The following ZDHHC11 variants were observed in gnomAD, a reference collection of about 807,000 sequenced individuals.
The protein encoded by ZDHHC11 is zDHHC palmitoyltransferase 11, also known as palmitoyltransferase ZDHHC11.
In ZDHHC11, 44 loss-of-function variants were observed where a neutral mutation model predicts 51.3. The ratio of observed to expected loss-of-function variants is 0.86; its 90% CI spans 0.67 to 1.10. The LOEUF (loss-of-function observed/expected upper bound fraction) is 1.10. Ranked by LOEUF, ZDHHC11 falls within the 50% of genes least tolerant of loss-of-function variation. The pLI is 0.00. For missense variants in ZDHHC11, 400 were observed against 537.7 expected (o/e 0.74, Z 2.53); for synonymous variants, 163 against 222.0 (o/e 0.73, Z 2.36).
intron 5 of ZDHHC11, among the ~76,000 whole-genome samples, chr5:838,924 A>C: frequency 6.7e-6 from 1 of 148,376 alleles, no homozygotes; most frequent in Non-Finnish European, 1.5e-5. Context: ...TTGGAAAAAA[A>C]TGACAAGTGC....
chr5:848,631 G>C lies in ZDHHC11; in HGVS notation c.252C>G (p.Leu84=). 3 of 1,524,658 alleles carry C rather than the reference G, an allele frequency of 2.0e-6. No individual in the cohort carries two copies. The highest frequency in any genetic ancestry group is 4.5e-5 in the East Asian group (2 of 44,012). The allele number at this position is 1,524,658 out of a possible 1,614,324, so 94.4% of individuals were successfully genotyped here. A position where few individuals can be genotyped will look rare whatever the true frequency, so the allele number is the denominator to read the frequency against. ...VVTGGIFSFH[L]VVHLIASCID... is the part of the protein sequence containing the mutation. ...TGCAGGACGCGATCAGGTGGACGAC[G>C]AGGTGGAACGAGAAGATCCCCCCGG... The change falls in exon 2 of 13, where the codon CTC becomes CTG. Residue 84 remains leucine (L), a synonymous_variant. Transcript: ENST00000283441.
chr5:807,545 C>T (rs1349878407), intron 11 of ZDHHC11, among the ~76,000 whole-genome samples: 1 of 151,362 alleles, frequency 6.6e-6, no homozygotes, highest in Non-Finnish European at 1.5e-5. Context: ...CTGTTCCCAC[C>T]CAGGATTGGG....
At chr5:848,140 GC>G (rs1350733361) in intron 2 of ZDHHC11, among the ~76,000 whole-genome samples, 77 of 140,664 alleles carry the variant, frequency 5.5e-4, no homozygotes, top group African/African-American at 2.1e-3. Flanking sequence ...CTTGCCCTGG[GC>G]CCTCAGGGGA....
chr5:850,457 A>G lies in ZDHHC11; in HGVS notation c.146T>C (p.Phe49Ser), dbSNP rs371529620. Residue 49 changes from phenylalanine to serine, a missense_variant, in exon 1 of 13, where the codon TTC (phenylalanine) becomes TCC (serine). Transcript: ENST00000283441. ...HYFQVVTWAV[F>S]VGLSSATFGI... ...GAAGGTGGCCGAGGAAAGGCCCACG[A>G]AGACAGCCCAGGTCACCACCTGGAA... 680 of 1,613,648 alleles carry G rather than the reference A, an allele frequency of 4.2e-4. 8 individuals are homozygous for G. In the South Asian group the frequency reaches 7.1e-3, roughly 17 times the overall value.
At chr5:848,794 G>C (rs186320786) in intron 1 of ZDHHC11, 134 bp from the exon 2 acceptor site, 8 of 1,327,936 alleles carry the variant, frequency 6.0e-6, no homozygotes, top group Non-Finnish European at 8.2e-6. Context: ...CGTGAGCCCA[G>C]CTCACCCAGG....
intron 4 of ZDHHC11, chr5:841,801 G>C (rs1164170071): frequency 1.0e-6 from 1 of 996,020 alleles, no homozygotes; most frequent in Non-Finnish European, 1.2e-6. Context: ...CAGAATGGCA[G>C]AGGGTGGGGC....
intron 10 of ZDHHC11, among the ~76,000 whole-genome samples, chr5:817,865 T>C (rs1741020667): frequency 6.6e-6 from 1 of 150,744 alleles, no homozygotes; most frequent in South Asian, 2.1e-4. Context: ...CGAGTCAGGG[T>C]GTCTTCTATG....
At chr5:830,319 T>C (rs1425327535) in intron 7 of ZDHHC11, among the ~76,000 whole-genome samples, 1 of 22,570 alleles carries the variant, frequency 4.4e-5, no homozygotes, top group East Asian at 5.1e-4. Context: ...CACAAATCAG[T>C]AGCATTGCTA....
At chr5:854,117 G>A (rs1237560869), upstream of ZDHHC11, among the ~76,000 whole-genome samples, 1 of 145,280 alleles carries the variant, frequency 6.9e-6, no homozygotes, top group East Asian at 2.2e-4. Flanking sequence ...AGGACAGTGA[G>A]GAGCGGGGAC....
upstream of ZDHHC11, among the ~76,000 whole-genome samples, chr5:852,524 A>G (rs1361679673): frequency 1.3e-5 from 2 of 152,158 alleles, no homozygotes; most frequent in Non-Finnish European, 2.9e-5. Flanking sequence ...AGCAGCGGGG[A>G]CAGACTCCAC....
intron 11 of ZDHHC11, among the ~76,000 whole-genome samples, chr5:803,532 T>G (rs953993468): frequency 6.6e-6 from 1 of 151,314 alleles, no homozygotes; most frequent in Non-Finnish European, 1.5e-5. Flanking sequence ...AAGCACTTGA[T>G]TTTTAGAGTT....
At chr5:815,497 C>T (rs1325553306) in intron 10 of ZDHHC11, among the ~76,000 whole-genome samples, 1 of 151,638 alleles carries the variant, frequency 6.6e-6, no homozygotes, top group Non-Finnish European at 1.5e-5. Flanking sequence ...ATCTTTCATC[C>T]CCATGAGCAA....
upstream of ZDHHC11, among the ~76,000 whole-genome samples, chr5:855,176 A>G (rs1432763728): frequency 6.9e-6 from 1 of 144,094 alleles, no homozygotes; most frequent in Non-Finnish European, 1.5e-5. Context: ...TACAGAGAAC[A>G]GAGAGCCGGG....
intron 7 of ZDHHC11, among the ~76,000 whole-genome samples, chr5:832,917 C>T (rs1326880181): frequency 1.3e-5 from 2 of 151,422 alleles, no homozygotes; most frequent in African/African-American, 2.4e-5. Context: ...ACAACCTCTA[C>T]ACTGTGAAAG....
At chr5:834,232 T>C (rs538606199) in intron 6 of ZDHHC11, among the ~76,000 whole-genome samples, 2,548 of 150,630 alleles carry the variant, frequency 0.017, 8 homozygotes, top group African/African-American at 0.057. Context: ...AGCTGCCTGA[T>C]GTAGAATGAT....
At chr5:806,230 C>G (rs1276609889) in intron 11 of ZDHHC11, among the ~76,000 whole-genome samples, 1 of 150,914 alleles carries the variant, frequency 6.6e-6, no homozygotes, top group African/African-American at 2.4e-5. Context: ...GACTAGACAG[C>G]CCAGAAATAG....
chr5:835,086 G>C (rs1474628517), intron 6 of ZDHHC11, among the ~76,000 whole-genome samples: 5 of 151,544 alleles, frequency 3.3e-5, no homozygotes, highest in Non-Finnish European at 3.0e-5. Flanking sequence ...TCAAAGACAA[G>C]CTTTGTCTCA....
Position 831,171 on chromosome 5 carries a change from GAAGT to G in ZDHHC11, c.935+2598_935+2601del, listed in dbSNP as rs202155060. 5.7e-3 allele frequency among the ~76,000 whole-genome samples: 855 copies of G among 149,414 alleles called. 63 individuals are homozygous for G. Among genetic ancestry groups the G allele is most frequent in the Admixed American group, 0.01 (154 of 14,708 alleles). ...AATAAGTACCTTCTGCACAGGAAAA[GAAGT>G]AATAAGCAGACTAAATAGAACCCAC... On this transcript the variant is annotated intron_variant, in intron 7 of 12. Transcript: ENST00000283441.
Position 816,254 on chromosome 5 carries a change from C to T in ZDHHC11, c.1147-1459G>A, listed in dbSNP as rs542107884. On this transcript the variant is annotated intron_variant, in intron 10 of 12. Coordinates refer to ENST00000283441, the MANE Select transcript of ZDHHC11 (RefSeq NM_024786.3). ...AAAGTCACATTTATTCTTCTTTTTT[C>T]GGAAATAATGTTTTTGGGATCTATC... 1.3e-4 allele frequency: 30 copies of T among 235,826 alleles called. 1 individual carries two copies. Among genetic ancestry groups the T allele is most frequent in the Non-Finnish European group, 2.1e-4 (25 of 117,106 alleles). The allele number at this position is 235,826 out of a possible 1,614,324, so 14.6% of individuals were successfully genotyped here.
Sources: gnomAD v4.1 joint callset for allele counts (sites outside exome capture counted in the v4.1 genomes callset) on GRCh38, gnomAD v4.1.1 for gene constraint, MANE v1.5 for transcripts, NCBI Gene and HGNC (gene_info 2026-07-23, HGNC 2026-07-21) for gene names.